LYST: variants seen among roughly 807,000 people sequenced by gnomAD.
LYST encodes lysosomal-trafficking regulator.
In LYST, 192 loss-of-function variants were observed where a neutral mutation model predicts 413.6. The ratio of observed to expected loss-of-function variants is 0.46; its 90% CI spans 0.41 to 0.52. The LOEUF is 0.52. Ranked by LOEUF, LYST falls within the 20% of genes least tolerant of loss-of-function variation. The pLI, the probability that LYST is intolerant of heterozygous loss-of-function variation, is 0.00. For missense variants in LYST, 3,815 were observed against 4,499.9 expected, an observed-to-expected ratio of 0.85 and a Z score of 4.35; for synonymous variants, 1,525 against 1,567.3, an observed-to-expected ratio of 0.97 and a Z score of 0.64.
At chr1:235,689,537 T>C (rs1020116125) in intron 47 of LYST, among the ~76,000 whole-genome samples, 2 of 152,058 alleles carry the variant, frequency 1.3e-5, no homozygotes, top group Non-Finnish European at 1.5e-5. Flanking sequence ...AGGGTACAGG[T>C]TTCAGTTGTG....
chr1:235,693,283 C>A, intron 47 of LYST, 67 bp downstream of exon 47: 2 of 1,237,668 alleles, frequency 1.6e-6, no homozygotes, highest in Non-Finnish European at 2.3e-6. Context: ...TCACTGCGCT[C>A]CAGCTTGGGC....
intron 13 of LYST, among the ~76,000 whole-genome samples, chr1:235,788,335 G>T (rs1047232062): frequency 3.3e-5 from 5 of 151,552 alleles, no homozygotes; most frequent in Admixed American, 1.3e-4. Context: ...AATTTTTGTG[G>T]TTTTTTGTTT....
In LYST at chr1:235,854,471, G is replaced by A. The variant is rs1308708315; in HGVS notation, c.-98+12372C>T. Reference sequence around the variant, plus strand: ...AGTAAATGGCCTCTACCCAGTGACTGAGGTGAGAAACCAGAATAGCACTTC... The same window carrying A: ...AGTAAATGGCCTCTACCCAGTGACTAAGGTGAGAAACCAGAATAGCACTTC... On this transcript the variant is annotated intron_variant, in intron 1 of 52. Transcript: ENST00000389793. The surrounding 1 kb of genome is among the most constrained non-coding windows in gnomAD (Gnocchi z 4.1). 6.6e-6 allele frequency among the ~76,000 whole-genome samples: 1 copy of A among 152,108 alleles called. No individual in the cohort carries two copies. The highest frequency in any genetic ancestry group is 6.5e-5 in the Admixed American group (1 of 15,276).
chr1:235,879,716 G>A (rs142286350), intron 1 of LYST, among the ~76,000 whole-genome samples: 1 of 151,068 alleles, frequency 6.6e-6, no homozygotes, highest in East Asian at 1.9e-4. Context: ...CTCTGAGAAT[G>A]GATCTAACTT....
At chr1:235,665,438 C>T (rs1658352774) in intron 50 of LYST, among the ~76,000 whole-genome samples, 1 of 151,442 alleles carries the variant, frequency 6.6e-6, no homozygotes, top group South Asian at 2.1e-4. Flanking sequence ...GGTGAAACCC[C>T]ATCTCTACTA....
chr1:235,769,384 A>C (rs1229715536), intron 20 of LYST, among the ~76,000 whole-genome samples: 1 of 152,052 alleles, frequency 6.6e-6, no homozygotes, highest in Admixed American at 6.5e-5. Flanking sequence ...TTCTCATATT[A>C]ACACTTCTTA....
chr1:235,750,961 GTC>G (rs754709482), intron 28 of LYST, among the ~76,000 whole-genome samples: 5 of 152,140 alleles, frequency 3.3e-5, no homozygotes, highest in Non-Finnish European at 5.9e-5. Context: ...CAGAATCTGT[GTC>G]TGTTTTTTTC....
At chr1:235,666,897 A>C (rs2103014416) in intron 50 of LYST, among the ~76,000 whole-genome samples, 1 of 152,338 alleles carries the variant, frequency 6.6e-6, no homozygotes, top group South Asian at 2.1e-4. Flanking sequence ...ATATTGAGGT[A>C]GGGGTTTCTC....
chr1:235,697,354 G>T (rs1328894268), intron 45 of LYST, 82 bp from the exon 46 acceptor site: 3 of 982,526 alleles, frequency 3.1e-6, no homozygotes, highest in Non-Finnish European at 4.6e-6. Flanking sequence ...TCTAAACAAA[G>T]TAAGAGAAAG....
rs116981004 is a variant in LYST, at chr1:235,685,920, C to T, written c.10800+1029G>A. 7.3e-5 allele frequency among the ~76,000 whole-genome samples: 11 copies of T among 151,298 alleles called. No homozygotes were observed. The East Asian group carries it at 1.9e-3, about 27-fold the overall frequency. The stretch of plus-strand genomic sequence containing the variant: ...TGGGAGTCACCCTATGCTAGAAATA[C>T]AGGTTTCACTCAGTAAAACAGATTT... On this transcript the variant is annotated intron_variant, in intron 48 of 52. Transcript: ENST00000389793.
Position 235,755,363 on chromosome 1 carries a change from T to G in LYST, c.7229+115A>C, listed in dbSNP as rs931943928. ...GAGATTGCACCATTGCACTCCAGCC[T>G]GGGCAACAGGGCGAGACTCCGTCTC... is the stretch of plus-strand genomic sequence containing the variant. On this transcript the variant is annotated intron_variant, in intron 25 of 52. Transcript: ENST00000389793. 12 of 1,005,606 alleles carry G rather than the reference T, an allele frequency of 1.2e-5. No individual in the cohort carries two copies. The African/African-American group carries it at 2.1e-4, about 17-fold the overall frequency. The allele number at this position is 1,005,606 out of a possible 1,614,324, so 62.3% of individuals were successfully genotyped here. A position where few individuals can be genotyped will look rare whatever the true frequency, so the allele number is the denominator to read the frequency against.
intron 31 of LYST, chr1:235,735,680 T>C (rs115170447): frequency 6.6e-6 from 1 of 152,156 alleles, no homozygotes; most frequent in African/African-American, 2.4e-5. Flanking sequence ...AAACTGTGAA[T>C]AGTATTAAAT....
intron 19 of LYST, 126 bp from the exon 20 acceptor site, chr1:235,770,423 C>G: frequency 1.1e-6 from 1 of 879,820 alleles, no homozygotes; most frequent in Non-Finnish European, 1.9e-6. Context: ...GATTACATGT[C>G]TGCAAAAAGC....
rs138289761 is a variant in LYST, at chr1:235,799,215, C to A, written c.4006+1105G>T. On this transcript the variant is annotated intron_variant, in intron 10 of 52. Coordinates refer to ENST00000389793, the MANE Select transcript of LYST (RefSeq NM_000081.4). Reference sequence around the variant, plus strand: ...AAGGAATGATGGAAACAGAAAATCACTATTTGGCAGATACCACAGAATTAA... The same window carrying A: ...AAGGAATGATGGAAACAGAAAATCAATATTTGGCAGATACCACAGAATTAA... Among the ~76,000 whole-genome samples the A allele has an allele frequency of 2.2e-3, 334 of 152,242 alleles. 1 individual carries two copies. Among genetic ancestry groups the A allele is most frequent in the Middle Eastern group, 0.017 (5 of 292 alleles).
chr1:235,880,013 A>G (rs939942575), intron 1 of LYST, among the ~76,000 whole-genome samples: 1 of 152,200 alleles, frequency 6.6e-6, no homozygotes, highest in Non-Finnish European at 1.5e-5. Context: ...CTGGGATTAC[A>G]GGTGTGAGCC....
rs149945984 is a variant in LYST, at chr1:235,744,885, C to A, written c.7973-728G>T. 8.8e-3 allele frequency among the ~76,000 whole-genome samples: 1,109 copies of A among 126,276 alleles called. 14 individuals are homozygous for A. Among genetic ancestry groups the A allele is most frequent in the African/African-American group, 0.038 (1,056 of 27,930 alleles). 82.8% of individuals were successfully genotyped at this position (126,276 alleles called of 152,430 possible). On this transcript the variant is annotated intron_variant, in intron 29 of 52. Coordinates refer to ENST00000389793, the MANE Select transcript of LYST (RefSeq NM_000081.4). ...ACTAGCCTTGGTGACAGAGTGAGAA[C>A]CCATCTCAAAAAAAAAAAGAAAAAA...
intron 1 of LYST, among the ~76,000 whole-genome samples, chr1:235,842,065 G>A (rs1406280645): frequency 1.3e-5 from 2 of 152,104 alleles, no homozygotes; most frequent in South Asian, 4.2e-4. Context: ...TCAGCTGCTT[G>A]GGTCTAATAA....
chr1:235,665,653 G>GA (rs1010852296), intron 50 of LYST, among the ~76,000 whole-genome samples: 7 of 130,164 alleles, frequency 5.4e-5, no homozygotes, highest in South Asian at 2.5e-4. Flanking sequence ...GACTTTTGAA[G>GA]AAAAAAAAAG....
At chr1:235,760,338 G>A (rs555996588) in intron 22 of LYST, among the ~76,000 whole-genome samples, 1 of 152,170 alleles carries the variant, frequency 6.6e-6, no homozygotes, top group South Asian at 2.1e-4. Context: ...TCAAAAAATG[G>A]TAGTACTTGT....
Sources: allele counts gnomAD v4.1 joint callset (sites outside exome capture counted in the v4.1 genomes callset), GRCh38; gene constraint gnomAD v4.1.1; non-coding constraint Gnocchi (gnomAD v3.1); transcripts MANE v1.5; gene names NCBI Gene and HGNC (gene_info 2026-07-23, HGNC 2026-07-21).